The following PPP2R5E variants were observed in gnomAD, a reference collection of about 807,000 sequenced individuals.
PPP2R5E encodes the protein serine/threonine-protein phosphatase 2A 56 kDa regulatory subunit epsilon isoform.
PPP2R5E carries 4 observed loss-of-function variants against 65.3 expected under a neutral mutation model. The observed-to-expected ratio is 0.06, with a 90% CI of 0.03 to 0.14. The LOEUF (loss-of-function observed/expected upper bound fraction) is 0.14, where lower values mean the gene tolerates loss of function less well. Among genes scored for constraint, PPP2R5E ranks in the 10% least tolerant of loss-of-function variants. The pLI is 1.00. For missense variants in PPP2R5E, 274 were observed against 556.1 expected (o/e 0.49, Z 5.10); for synonymous variants, 183 against 187.4 (o/e 0.98, Z 0.19).
chr14:63,514,468 A>T (rs1234762183), intron 2 of PPP2R5E, among the ~76,000 whole-genome samples: 2 of 150,990 alleles, frequency 1.3e-5, no homozygotes, highest in East Asian at 3.9e-4. Flanking sequence ...AACTATGTTT[A>T]TTATACTACA....
Position 63,374,953 on chromosome 14 carries a change from A to G in PPP2R5E, c.*1056T>C, listed in dbSNP as rs1190555046. On this transcript the variant is annotated 3_prime_UTR_variant, in exon 14 of 14. Coordinates refer to ENST00000337537, the MANE Select transcript of PPP2R5E (RefSeq NM_006246.5). ...AGATATAGAACGAGAATCTACAAAA[A>G]ACACTGTAACATGTTTGTTTTTTCC... is the stretch of plus-strand genomic sequence containing the variant. The G allele has an allele frequency of 1.3e-5, 2 of 152,436 alleles. No individual in the cohort carries two copies. Among genetic ancestry groups the G allele is most frequent in the Non-Finnish European group, 2.9e-5 (2 of 67,956 alleles). 9.4% of individuals were successfully genotyped at this position (152,436 alleles called of 1,614,324 possible). A position where few individuals can be genotyped will look rare whatever the true frequency, so the allele number is the denominator to read the frequency against.
chr14:63,481,831 C>T lies in PPP2R5E; in HGVS notation c.158-27946G>A, dbSNP rs28893351. 3.9e-3 allele frequency among the ~76,000 whole-genome samples: 598 copies of T among 152,124 alleles called. 1 individual carries two copies. The highest frequency in any genetic ancestry group is 0.013 in the African/African-American group (535 of 41,492). On this transcript the variant is annotated intron_variant, in intron 2 of 13. Transcript: ENST00000337537. Reference sequence around the variant, plus strand: ...AGTATGAGAAGTATGAGAGGGTTATCGGTTAATAAGACTTTCGAGTCTAAA... The same window carrying T: ...AGTATGAGAAGTATGAGAGGGTTATTGGTTAATAAGACTTTCGAGTCTAAA...
intron 5 of PPP2R5E, among the ~76,000 whole-genome samples, chr14:63,402,392 T>G (rs1277168224): frequency 6.6e-6 from 1 of 152,186 alleles, no homozygotes; most frequent in Non-Finnish European, 1.5e-5. Flanking sequence ...AACTTTTCGG[T>G]AGACTAACAT....
chr14:63,509,356 C>T (rs1050028166), intron 2 of PPP2R5E, among the ~76,000 whole-genome samples: 1 of 141,640 alleles, frequency 7.1e-6, no homozygotes, highest in Non-Finnish European at 1.5e-5. Flanking sequence ...CTCACTGCAA[C>T]TTCTGCCTCC....
intron 13 of PPP2R5E, among the ~76,000 whole-genome samples, chr14:63,379,533 A>T (rs1489548888): frequency 1.3e-5 from 2 of 152,196 alleles, no homozygotes; most frequent in East Asian, 3.9e-4. Flanking sequence ...TGGCCTCCCA[A>T]AGTGCTGCGA....
intron 2 of PPP2R5E, among the ~76,000 whole-genome samples, chr14:63,524,625 A>G (rs1487965267): frequency 6.6e-6 from 1 of 152,196 alleles, no homozygotes; most frequent in Non-Finnish European, 1.5e-5. Context: ...CTACCAGTTT[A>G]CTGAACTGTT....
intron 2 of PPP2R5E, among the ~76,000 whole-genome samples, chr14:63,532,898 A>C (rs933187810): frequency 6.6e-6 from 1 of 152,216 alleles, no homozygotes; most frequent in African/African-American, 2.4e-5. Flanking sequence ...GCAGTGGCAC[A>C]ATCACAGCTC....
chr14:63,538,502 CT>C (rs1013683918), intron 2 of PPP2R5E, among the ~76,000 whole-genome samples: 1 of 151,524 alleles, frequency 6.6e-6, no homozygotes, highest in Non-Finnish European at 1.5e-5. Flanking sequence ...ATCTGCCTGC[CT>C]CGGGCTCCCA....
chr14:63,440,283 A>T (rs1391097668), intron 3 of PPP2R5E, among the ~76,000 whole-genome samples: 1 of 152,126 alleles, frequency 6.6e-6, no homozygotes, highest in Non-Finnish European at 1.5e-5. Context: ...GACTGGGAAT[A>T]AGTGGTAGGG....
intron 5 of PPP2R5E, 75 bp downstream of exon 5, chr14:63,415,065 T>C: frequency 9.0e-7 from 1 of 1,110,024 alleles, no homozygotes; most frequent in East Asian, 2.5e-5. Flanking sequence ...AAAACTTTTT[T>C]AACAAACATG....
rs896355085 is a variant in PPP2R5E, at chr14:63,543,216, C to G, written c.-445G>C. 4 of 153,012 alleles carry G rather than the reference C, an allele frequency of 2.6e-5. No homozygotes were observed. Among genetic ancestry groups the G allele is most frequent in the African/African-American group, 9.7e-5 (4 of 41,440 alleles). 9.5% of individuals were successfully genotyped at this position (153,012 alleles called of 1,614,324 possible). A position where few individuals can be genotyped will look rare whatever the true frequency, so the allele number is the denominator to read the frequency against. On this transcript the variant is annotated 5_prime_UTR_variant, in exon 1 of 14. Transcript: ENST00000337537. ...CTGCAGCGGCAGCAAGAGAAGGGGA[C>G]AGAATAAGGAGGAGGAGCCGCAGGA...
intron 2 of PPP2R5E, among the ~76,000 whole-genome samples, chr14:63,493,619 C>A (rs1891397750): frequency 6.6e-6 from 1 of 151,220 alleles, no homozygotes; most frequent in South Asian, 2.1e-4. Flanking sequence ...ACACTGTATC[C>A]AGTGTGACAA....
chr14:63,380,523 G>A (rs1379950292), intron 13 of PPP2R5E, among the ~76,000 whole-genome samples: 7 of 152,134 alleles, frequency 4.6e-5, no homozygotes, highest in Non-Finnish European at 7.4e-5. Flanking sequence ...TTAGCCAGGC[G>A]TGGTGGCGGG....
At chr14:63,395,205 A>G (rs1347411193) in intron 7 of PPP2R5E, 21 bp downstream of exon 7, 1 of 1,589,686 alleles carries the variant, frequency 6.3e-7, no homozygotes. Flanking sequence ...TGAGATTAGC[A>G]ATTAGAAAAA....
chr14:63,498,480 AGT>A (rs1178651719), intron 2 of PPP2R5E, among the ~76,000 whole-genome samples: 1 of 152,130 alleles, frequency 6.6e-6, no homozygotes, highest in African/African-American at 2.4e-5. Context: ...AATGTTTTTA[AGT>A]GTCTTGGATC....
At chr14:63,493,057 A>C (rs1891359135) in intron 2 of PPP2R5E, among the ~76,000 whole-genome samples, 1 of 152,170 alleles carries the variant, frequency 6.6e-6, no homozygotes, top group Non-Finnish European at 1.5e-5. Flanking sequence ...TGATCTACTA[A>C]AGGTGAGTGT....
At position 63,507,527 on chromosome 14, in the gene PPP2R5E, T is replaced by TAA. The variant is rs33982361; in HGVS notation, c.157+32000_157+32001dup. The stretch of plus-strand genomic sequence containing the variant: ...TGCAAAAATCTCTGAATTTTTAAAG[T>TAA]AAAAAAAAAAAACAAGACTTAAAAA... On this transcript the variant is annotated intron_variant, in intron 2 of 13. Coordinates refer to ENST00000337537, the MANE Select transcript of PPP2R5E (RefSeq NM_006246.5). Among the ~76,000 whole-genome samples the TAA allele has an allele frequency of 6.6e-5, 8 of 121,576 alleles. No individual in the cohort carries two copies. In the South Asian group the frequency reaches 1.6e-3, roughly 24 times the overall value. 79.8% of individuals were successfully genotyped at this position (121,576 alleles called of 152,430 possible).
intron 2 of PPP2R5E, among the ~76,000 whole-genome samples, chr14:63,513,393 C>A (rs79102972): frequency 6.6e-6 from 1 of 152,142 alleles, no homozygotes. Flanking sequence ...AATCTCCCCT[C>A]AAATACTGTA....
chr14:63,385,619 C>G (rs1884617750), intron 11 of PPP2R5E, among the ~76,000 whole-genome samples: 2 of 152,122 alleles, frequency 1.3e-5, no homozygotes, highest in African/African-American at 4.8e-5. Context: ...CTAAGTACCT[C>G]CTATGGGCAG....
Sources: gnomAD v4.1 joint callset for allele counts (sites outside exome capture counted in the v4.1 genomes callset) on GRCh38, gnomAD v4.1.1 for gene constraint, MANE v1.5 for transcripts, NCBI Gene and HGNC (gene_info 2026-07-23, HGNC 2026-07-21) for gene names.